Variants in CDH18 observed in about 807,000 individuals in gnomAD.
CDH18 encodes cadherin 18, also known as cadherin-18.
CDH18 carries 31 observed loss-of-function variants against 67.9 expected under a neutral mutation model. The observed-to-expected ratio is 0.46, with a 90% confidence interval of 0.34 to 0.62. The LOEUF (loss-of-function observed/expected upper bound fraction) is 0.62. Ranked by LOEUF, CDH18 falls within the 20% of genes least tolerant of loss-of-function variation. The probability of loss-of-function intolerance (pLI) is 0.01; values close to 1 mark genes in which losing one functional copy is unlikely to be tolerated. For missense variants in CDH18, 890 were observed against 975.5 expected, an observed-to-expected ratio of 0.91 and a Z score of 1.17; for synonymous variants, 362 against 347.2, an observed-to-expected ratio of 1.04 and a Z score of -0.48.
intron 3 of CDH18, among the ~76,000 whole-genome samples, chr5:19,749,327 ATATATAAAT>A (rs1317522942): frequency 2.6e-5 from 4 of 151,516 alleles, no homozygotes; most frequent in Non-Finnish European, 5.9e-5. Context: ...TTGTTATATT[ATATATAAAT>A]TATAAATCTA....
intron 2 of CDH18, among the ~76,000 whole-genome samples, chr5:20,058,043 T>C (rs1742146219): frequency 6.6e-6 from 1 of 152,170 alleles, no homozygotes; most frequent in African/African-American, 2.4e-5. Flanking sequence ...AGATGATCTT[T>C]TAACAAAACC....
chr5:19,604,865 G>A (rs2150079544), intron 6 of CDH18, among the ~76,000 whole-genome samples: 1 of 151,490 alleles, frequency 6.6e-6, no homozygotes, highest in Admixed American at 6.6e-5. Context: ...TTTCTCTCAA[G>A]TATTATAGTG....
chr5:19,994,855 T>TATATATATATATAGAGAG (rs760777430), intron 2 of CDH18, among the ~76,000 whole-genome samples: 12 of 67,586 alleles, frequency 1.8e-4, no homozygotes, highest in Non-Finnish European at 2.3e-4. Context: ...TATATATATA[T>TATATATATATATAGAGAG]AGAGAGAGAG....
chr5:20,187,494 TC>T (rs1236470976), intron 2 of CDH18, among the ~76,000 whole-genome samples: 2 of 151,806 alleles, frequency 1.3e-5, no homozygotes, highest in African/African-American at 4.8e-5. Flanking sequence ...GTACCTGGGC[TC>T]CAAATTTTAC....
chr5:20,454,103 A>T (rs760700317), intron 1 of CDH18, among the ~76,000 whole-genome samples: 2 of 152,122 alleles, frequency 1.3e-5, no homozygotes, highest in Non-Finnish European at 2.9e-5. Flanking sequence ...CATCTTCTAA[A>T]ACTTCAGCTA....
At chr5:19,483,248 T>C in intron 12 of CDH18, 53 bp downstream of exon 12, 1 of 1,534,990 alleles carries the variant, frequency 6.5e-7, no homozygotes, top group Admixed American at 1.9e-5. Flanking sequence ...TCAAAATGAT[T>C]CCCTCTCATT....
At chr5:19,690,081 GTGTA>G (rs1481988111) in intron 5 of CDH18, among the ~76,000 whole-genome samples, 1 of 141,042 alleles carries the variant, frequency 7.1e-6, no homozygotes, top group Non-Finnish European at 1.6e-5. Context: ...ATATGTGTGT[GTGTA>G]TATATATATA....
intron 2 of CDH18, among the ~76,000 whole-genome samples, chr5:20,183,564 A>G (rs1319913823): frequency 6.6e-6 from 1 of 152,152 alleles, no homozygotes; most frequent in Non-Finnish European, 1.5e-5. Context: ...CAATGAAAAA[A>G]TAAATCTGTA....
intron 1 of CDH18, among the ~76,000 whole-genome samples, chr5:20,313,911 T>C (rs1235265347): frequency 1.3e-5 from 2 of 152,056 alleles, no homozygotes; most frequent in African/African-American, 4.8e-5. Flanking sequence ...GCGACCAACA[T>C]GTACATTGCT....
chr5:20,297,492 A>T (rs1747633277), intron 1 of CDH18, among the ~76,000 whole-genome samples: 1 of 152,246 alleles, frequency 6.6e-6, no homozygotes, highest in South Asian at 2.1e-4. Context: ...ATTGTAGCCT[A>T]TGCAACGAAA....
chr5:19,867,907 T>C, intron 2 of CDH18, among the ~76,000 whole-genome samples: 1 of 152,064 alleles, frequency 6.6e-6, no homozygotes, highest in East Asian at 1.9e-4. Context: ...ATCATGGAGG[T>C]GCTTACCCCC....
chr5:20,304,036 T>G (rs1736187298), intron 1 of CDH18: 1 of 1,526,788 alleles, frequency 6.5e-7, no homozygotes, highest in Non-Finnish European at 9.1e-7. Flanking sequence ...CGCAGCCGAC[T>G]TCGCGTGTTC....
At chr5:19,928,522 C>G (rs1234755891) in intron 2 of CDH18, among the ~76,000 whole-genome samples, 3 of 152,062 alleles carry the variant, frequency 2.0e-5, no homozygotes, top group Non-Finnish European at 4.4e-5. Context: ...TCTATCAGTA[C>G]ATGGAACGTA....
intron 1 of CDH18, among the ~76,000 whole-genome samples, chr5:20,402,938 G>C (rs573549367): frequency 1.1e-4 from 16 of 151,004 alleles, no homozygotes; most frequent in African/African-American, 3.9e-4. Flanking sequence ...TAAAAAGAAT[G>C]TTCACAGACC....
intron 1 of CDH18, among the ~76,000 whole-genome samples, chr5:20,400,699 T>G (rs1392595324): frequency 2.6e-5 from 4 of 151,620 alleles, no homozygotes; most frequent in Non-Finnish European, 5.9e-5. Context: ...GAGGCGGAGG[T>G]TGCAGTGAAC....
chr5:20,320,748 T>C lies in CDH18; in HGVS notation c.-579-65243A>G, dbSNP rs138171194. On this transcript the variant is annotated intron_variant, in intron 1 of 14. Coordinates refer to the CDH18 transcript ENST00000507958. ...AGACACAGAGACCCAGCTCCGTAGC[T>C]GCTGCAAAGATTTCTCATCTTTGAT... Among the ~76,000 whole-genome samples, 195 of 152,290 alleles carry C rather than the reference T, an allele frequency of 1.3e-3. 1 individual carries two copies. Among genetic ancestry groups the C allele is most frequent in the African/African-American group, 4.4e-3 (183 of 41,554 alleles).
intron 2 of CDH18, among the ~76,000 whole-genome samples, chr5:20,234,526 A>G (rs1742327366): frequency 1.3e-5 from 2 of 152,122 alleles, no homozygotes; most frequent in South Asian, 4.1e-4. Context: ...AAATATATCA[A>G]GATGATGGCC....
intron 5 of CDH18, among the ~76,000 whole-genome samples, chr5:19,650,231 T>G (rs1260927175): frequency 6.6e-6 from 1 of 151,962 alleles, no homozygotes; most frequent in African/African-American, 2.4e-5. Context: ...TTGCTTTCTA[T>G]GTAGTACACT....
At chr5:19,729,273 T>C (rs537135265) in intron 4 of CDH18, among the ~76,000 whole-genome samples, 2 of 152,314 alleles carry the variant, frequency 1.3e-5, no homozygotes, top group Non-Finnish European at 2.9e-5. Flanking sequence ...TATAAGCCAT[T>C]GAATTTAATA....
Sources: allele counts gnomAD v4.1 joint callset (sites outside exome capture counted in the v4.1 genomes callset), GRCh38; gene constraint gnomAD v4.1.1; transcripts MANE v1.5; gene names NCBI Gene and HGNC (gene_info 2026-07-23, HGNC 2026-07-21).